The following NAALADL2 variants were observed in gnomAD, a reference collection of about 807,000 sequenced individuals.
The protein encoded by NAALADL2 is N-acetylated alpha-linked acidic dipeptidase like 2, also known as inactive N-acetylated-alpha-linked acidic dipeptidase-like protein 2.
NAALADL2 carries 76 observed loss-of-function variants against 87.2 expected under a neutral mutation model. That is an observed-to-expected ratio of 0.87 (90% confidence interval 0.72 to 1.05). The LOEUF (loss-of-function observed/expected upper bound fraction) is 1.05. Ranked by LOEUF, NAALADL2 falls within the 50% of genes least tolerant of loss-of-function variation. The pLI is 0.00. For synonymous variants in NAALADL2, 354 were observed against 331.0 expected (o/e 1.07, Z -0.75); for missense variants, 1,089 against 945.8 (o/e 1.15, Z -1.99).
chr3:174,891,981 C>T (rs1730911606), intron 1 of NAALADL2, among the ~76,000 whole-genome samples: 1 of 152,140 alleles, frequency 6.6e-6, no homozygotes, highest in African/African-American at 2.4e-5. Flanking sequence ...AACAAGGTAT[C>T]TCTACAACGC....
rs117718189 is a variant in NAALADL2 at position 175,302,910 on chromosome 3, A to T, written c.940-21265A>T. Reference sequence around the variant, plus strand: ...TATTTGTGAGTAAAGGATTGAGAGGATATATGAAAATTAAAGGAGATCAAG... The same window carrying T: ...TATTTGTGAGTAAAGGATTGAGAGGTTATATGAAAATTAAAGGAGATCAAG... On this transcript the variant is annotated intron_variant, in intron 4 of 13. Coordinates refer to ENST00000454872, the MANE Select transcript of NAALADL2 (RefSeq NM_207015.3). Among the ~76,000 whole-genome samples, 89 of 152,004 alleles carry T rather than the reference A, an allele frequency of 5.9e-4. No individual in the cohort carries two copies. In the East Asian group the frequency reaches 0.014, roughly 24 times the overall value.
chr3:175,215,192 G>A (rs1042122895), intron 2 of NAALADL2, among the ~76,000 whole-genome samples: 5 of 152,054 alleles, frequency 3.3e-5, no homozygotes, highest in Admixed American at 1.3e-4. Context: ...CATCTTTAAT[G>A]TTCTGATGCT....
At chr3:175,233,042 A>G (rs1034124057) in intron 2 of NAALADL2, among the ~76,000 whole-genome samples, 2 of 152,204 alleles carry the variant, frequency 1.3e-5, no homozygotes, top group Non-Finnish European at 2.9e-5. Context: ...ATTATGGGAT[A>G]GGTATAGAAA....
rs60568850 is a variant in NAALADL2 at position 175,749,140 on chromosome 3, C to T, written c.1991-6080C>T. ...GGGAAGGGAGGGGAGGAGAAGGGAG[C>T]GGAGGGGAAGGGAGGGGAGGGGAAG... On this transcript the variant is annotated intron_variant, in intron 12 of 13. Transcript: ENST00000454872. Among the ~76,000 whole-genome samples the T allele has an allele frequency of 1.2e-4, 10 of 85,056 alleles. 1 individual carries two copies. In the South Asian group the frequency reaches 2.3e-3, roughly 19 times the overall value. 55.8% of individuals were successfully genotyped at this position (85,056 alleles called of 152,430 possible).
At chr3:175,172,947 C>G (rs1735073951) in intron 2 of NAALADL2, among the ~76,000 whole-genome samples, 1 of 152,080 alleles carries the variant, frequency 6.6e-6, no homozygotes, top group Admixed American at 6.6e-5. Context: ...AAAAGTACAG[C>G]TTTTCGGTAC....
intron 11 of NAALADL2, among the ~76,000 whole-genome samples, chr3:175,631,869 C>T (rs1204216210): frequency 1.3e-5 from 2 of 152,006 alleles, no homozygotes; most frequent in Admixed American, 1.3e-4. Context: ...CAACATTTAT[C>T]TCCTAAATCG....
intron 2 of NAALADL2, among the ~76,000 whole-genome samples, chr3:175,156,348 T>G (rs564306461): frequency 6.6e-6 from 1 of 152,094 alleles, no homozygotes; most frequent in Non-Finnish European, 1.5e-5. Context: ...TCAGTGTAGA[T>G]AGTATTATTA....
chr3:175,202,049 AT>A (rs947506653), intron 2 of NAALADL2, among the ~76,000 whole-genome samples: 103 of 147,874 alleles, frequency 7.0e-4, no homozygotes, highest in Middle Eastern at 3.5e-3. Context: ...ATTACTATTT[AT>A]TTTTTTTTTT....
chr3:174,531,261 GCT>G (rs776525677), intron 1 of NAALADL2, among the ~76,000 whole-genome samples: 1 of 151,048 alleles, frequency 6.6e-6, no homozygotes, highest in Non-Finnish European at 1.5e-5. Flanking sequence ...TATTTCCATG[GCT>G]CTGCATTTTT....
At chr3:175,343,191 C>G (rs189281011) in intron 5 of NAALADL2, among the ~76,000 whole-genome samples, 263 of 151,906 alleles carry the variant, frequency 1.7e-3, no homozygotes, top group Non-Finnish European at 2.6e-3. Context: ...AATTATAATA[C>G]CTTTCCCCTC....
chr3:174,485,768 A>G (rs1164945173), intron 1 of NAALADL2, among the ~76,000 whole-genome samples: 1 of 151,972 alleles, frequency 6.6e-6, no homozygotes, highest in African/African-American at 2.4e-5. Flanking sequence ...AAATGCATGC[A>G]TGTGTTCATG....
At position 175,354,603 on chromosome 3, in the gene NAALADL2, C is replaced by A. The variant is rs78802954; in HGVS notation, c.1090+30278C>A. ...TTTTTAAAAATCGAAAATTGATTTACCTTTTTTCATTAGATTTGAATTATT... is the reference window on the plus strand; with the variant it reads ...TTTTTAAAAATCGAAAATTGATTTAACTTTTTTCATTAGATTTGAATTATT... On this transcript the variant is annotated intron_variant, in intron 5 of 13. Transcript: ENST00000454872. Among the ~76,000 whole-genome samples, 586 of 152,076 alleles carry A rather than the reference C, an allele frequency of 3.9e-3. 2 individuals are homozygous for A. The highest frequency in any genetic ancestry group is 0.013 in the African/African-American group (531 of 41,494).
chr3:175,200,248 T>A (rs1739827174), intron 2 of NAALADL2, among the ~76,000 whole-genome samples: 1 of 152,090 alleles, frequency 6.6e-6, no homozygotes, highest in Non-Finnish European at 1.5e-5. Context: ...GTGATCTTGA[T>A]TGTAGCCTGA....
At chr3:175,190,480 A>G (rs934844308) in intron 2 of NAALADL2, among the ~76,000 whole-genome samples, 1 of 152,216 alleles carries the variant, frequency 6.6e-6, no homozygotes, top group African/African-American at 2.4e-5. Flanking sequence ...TATGCAAGTC[A>G]AAACCACATG....
chr3:175,378,885 G>T (rs9290551), intron 5 of NAALADL2, among the ~76,000 whole-genome samples: 6 of 151,954 alleles, frequency 3.9e-5, no homozygotes, highest in Admixed American at 2.6e-4. Context: ...ACTTATAAAT[G>T]CAGGACATCA....
At chr3:174,706,205 A>G (rs1344599782) in intron 2 of NAALADL2, among the ~76,000 whole-genome samples, 1 of 152,228 alleles carries the variant, frequency 6.6e-6, no homozygotes, top group African/African-American at 2.4e-5. Flanking sequence ...TAATAGGGAA[A>G]GAATAGCTTT....
chr3:174,687,732 C>T lies in NAALADL2; in HGVS notation c.-114-49909C>T, dbSNP rs183797643. Among the ~76,000 whole-genome samples, 209 of 152,230 alleles carry T rather than the reference C, an allele frequency of 1.4e-3. 1 individual carries two copies. Among genetic ancestry groups the T allele is most frequent in the Non-Finnish European group, 2.0e-3 (137 of 68,004 alleles). On this transcript the variant is annotated intron_variant, in intron 2 of 3. Coordinates refer to the NAALADL2 transcript ENST00000434257. ...GGTTTGGCTGTATCCCCACCCAAAT[C>T]TCACCTTGAATTGTAATAATCCTCA...
At chr3:174,923,577 T>G (rs1011153328) in intron 1 of NAALADL2, among the ~76,000 whole-genome samples, 1 of 151,302 alleles carries the variant, frequency 6.6e-6, no homozygotes, top group Non-Finnish European at 1.5e-5. Flanking sequence ...CATAGTATCT[T>G]TGATTTTTTA....
chr3:175,657,130 C>G (rs1731580620), intron 11 of NAALADL2, among the ~76,000 whole-genome samples: 1 of 152,076 alleles, frequency 6.6e-6, no homozygotes, highest in Non-Finnish European at 1.5e-5. Context: ...TATTAAAATG[C>G]CAGATATTTT....
Sources: gnomAD v4.1 joint callset for allele counts (sites outside exome capture counted in the v4.1 genomes callset) on GRCh38, gnomAD v4.1.1 for gene constraint, MANE v1.5 for transcripts, NCBI Gene and HGNC (gene_info 2026-07-23, HGNC 2026-07-21) for gene names.